The following SLC9A7 variants were observed in gnomAD, a reference collection of about 807,000 sequenced individuals.
The protein encoded by SLC9A7 is solute carrier family 9 member A7.
In SLC9A7, 19 loss-of-function variants were observed where a neutral mutation model predicts 52.6. The observed-to-expected ratio is 0.36, with a 90% confidence interval of 0.25 to 0.53. The LOEUF is 0.53. Among genes scored for constraint, SLC9A7 ranks in the 20% least tolerant of loss-of-function variants. SLC9A7 has a pLI of 0.91. For missense variants in SLC9A7, 455 were observed against 597.9 expected (o/e 0.76, Z 2.49); for synonymous variants, 226 against 252.1 (o/e 0.90, Z 0.98).
intron 1 of SLC9A7, among the ~76,000 whole-genome samples, chrX:46,714,344 C>T (rs975007998): frequency 2.3e-4 from 26 of 111,418 alleles, no homozygotes; most frequent in Non-Finnish European, 4.7e-4. Flanking sequence ...CTGATGTCTC[C>T]CAGATGACAA....
rs1044336721 is a variant in SLC9A7 at position 46,600,342 on chromosome X, C to T, written c.*6610G>A. On this transcript the variant is annotated 3_prime_UTR_variant, in exon 17 of 17. Transcript: ENST00000616978. ...ATATACAGGCCCAGACAATTTTCCACTGGCCAAGAGCTGACTGTGACACTT... is the reference window on the plus strand; with the variant it reads ...ATATACAGGCCCAGACAATTTTCCATTGGCCAAGAGCTGACTGTGACACTT... The T allele has an allele frequency of 8.9e-6, 1 of 112,060 alleles. No individual in the cohort carries two copies. Among genetic ancestry groups the T allele is most frequent in the Non-Finnish European group, 1.9e-5 (1 of 53,258 alleles). The allele number at this position is 112,060 out of a possible 1,213,427, so 9.2% of individuals were successfully genotyped here.
rs782017717 is a variant in SLC9A7, at chrX:46,758,953, GGCA to G, written c.74_76del (p.Leu25del). 41 of 1,072,437 alleles carry G rather than the reference GGCA, an allele frequency of 3.8e-5. No homozygotes were observed. The highest frequency in any genetic ancestry group is 1.5e-4 in the Admixed American group (4 of 26,085). 88.4% of individuals were successfully genotyped at this position (1,072,437 alleles called of 1,213,427 possible). The stretch of plus-strand genomic sequence containing the variant: ...TCGCAGCCCCCAACCCAGCAGCAGC[GGCA>G]GCAGCAGCAGCCGCGGCGGCGGCGC... On this transcript the variant is annotated inframe_deletion, in exon 1 of 17. Transcript: ENST00000616978.
chrX:46,652,914 G>A (rs1251760651), intron 8 of SLC9A7, among the ~76,000 whole-genome samples: 1 of 111,806 alleles, frequency 8.9e-6, no homozygotes, highest in Middle Eastern at 4.2e-3. Context: ...CTGAGCAGAG[G>A]CAAAATCACC....
chrX:46,629,852 T>C (rs1177972912), intron 14 of SLC9A7, among the ~76,000 whole-genome samples: 1 of 111,859 alleles, frequency 8.9e-6, no homozygotes, highest in Non-Finnish European at 1.9e-5. Context: ...TGTTATACTC[T>C]AAATTAGCCT....
chrX:46,705,260 T>C (rs1944586934), intron 1 of SLC9A7, among the ~76,000 whole-genome samples: 1 of 111,766 alleles, frequency 8.9e-6, no homozygotes, highest in South Asian at 3.7e-4. Flanking sequence ...TAAGACTTTA[T>C]CACACAGGAA....
At chrX:46,662,180 A>G in intron 6 of SLC9A7, 23 bp from the exon 7 acceptor site, 1 of 1,186,878 alleles carries the variant, frequency 8.4e-7, no homozygotes, top group East Asian at 3.0e-5. Flanking sequence ...AACAAGAGAC[A>G]GTTTTAAAAG....
chrX:46,655,271 C>T (rs1192905130), intron 7 of SLC9A7, among the ~76,000 whole-genome samples: 1 of 111,575 alleles, frequency 9.0e-6, no homozygotes, highest in Non-Finnish European at 1.9e-5. Flanking sequence ...AGGTGTGAGC[C>T]ACCACGCCCA....
intron 8 of SLC9A7, 63 bp from the exon 9 acceptor site, chrX:46,651,467 C>A: frequency 2.2e-6 from 2 of 923,946 alleles, no homozygotes; most frequent in Non-Finnish European, 3.1e-6. Context: ...AAAAAAAAAC[C>A]CTGCTAGAAC....
intron 1 of SLC9A7, among the ~76,000 whole-genome samples, chrX:46,758,147 T>C (rs1922815019): frequency 9.0e-6 from 1 of 111,506 alleles, no homozygotes; most frequent in African/African-American, 3.3e-5. Context: ...TGCTCACCTT[T>C]CACCACACTT....
chrX:46,632,570 C>G (rs1047171075), intron 13 of SLC9A7, among the ~76,000 whole-genome samples: 4 of 110,927 alleles, frequency 3.6e-5, no homozygotes, highest in African/African-American at 1.3e-4. Context: ...CTTCGCCTGT[C>G]TTCAGCAAGA....
At position 46,606,749 on chromosome X, in the gene SLC9A7, A is replaced by C; in HGVS notation, c.*203T>G. 1 of 1,087,408 alleles carries C rather than the reference A, an allele frequency of 9.2e-7. No homozygotes were observed. Among genetic ancestry groups the C allele is most frequent in the Non-Finnish European group, 1.2e-6 (1 of 837,429 alleles). The allele number at this position is 1,087,408 out of a possible 1,213,427, so 89.6% of individuals were successfully genotyped here. Reference sequence around the variant, plus strand: ...ATGTGAAAAAAGTGGGAATAGGTCTACGTTTGTCTGAATTTAGAGACACTT... The same window carrying C: ...ATGTGAAAAAAGTGGGAATAGGTCTCCGTTTGTCTGAATTTAGAGACACTT... On this transcript the variant is annotated 3_prime_UTR_variant, in exon 17 of 17. Coordinates refer to ENST00000616978, the MANE Select transcript of SLC9A7 (RefSeq NM_001257291.2).
intron 3 of SLC9A7, among the ~76,000 whole-genome samples, chrX:46,677,605 G>C (rs183603329): frequency 2.7e-5 from 3 of 112,239 alleles, no homozygotes; most frequent in Admixed American, 9.5e-5. Flanking sequence ...AAGAATATCC[G>C]TTCCTAATAC....
chrX:46,608,734 C>T (rs1469580220), intron 16 of SLC9A7, among the ~76,000 whole-genome samples: 1 of 111,770 alleles, frequency 8.9e-6, no homozygotes, highest in Non-Finnish European at 1.9e-5. Context: ...CAACCTCCAC[C>T]TCCCAGGTTC....
At chrX:46,683,719 G>A (rs1944249644) in intron 1 of SLC9A7, among the ~76,000 whole-genome samples, 1 of 112,218 alleles carries the variant, frequency 8.9e-6, no homozygotes, top group Admixed American at 9.4e-5. Context: ...CAAAAAACCA[G>A]CCATAAATCA....
intron 1 of SLC9A7, among the ~76,000 whole-genome samples, chrX:46,748,976 T>A (rs926304097): frequency 9.0e-6 from 1 of 110,824 alleles, no homozygotes; most frequent in Middle Eastern, 4.2e-3. Context: ...AAAAAAAAAA[T>A]AAACAACTAC....
chrX:46,645,079 T>C (rs1178535509), intron 11 of SLC9A7, among the ~76,000 whole-genome samples: 1 of 112,160 alleles, frequency 8.9e-6, no homozygotes, highest in African/African-American at 3.2e-5. Flanking sequence ...AAACCTCAGG[T>C]ATTTCATAGC....
At chrX:46,666,295 G>A (rs999024715) in intron 5 of SLC9A7, among the ~76,000 whole-genome samples, 88 of 110,965 alleles carry the variant, frequency 7.9e-4, no homozygotes, top group African/African-American at 2.7e-3. Context: ...TTTTTGTGGG[G>A]ATGAAGTTCT....
intron 1 of SLC9A7, among the ~76,000 whole-genome samples, chrX:46,701,116 A>C (rs1276280781): frequency 1.8e-5 from 2 of 111,436 alleles, no homozygotes; most frequent in African/African-American, 6.5e-5. Context: ...ATGCTCTTGA[A>C]ACATCACATA....
At chrX:46,613,856 G>A (rs1285304281) in intron 15 of SLC9A7, among the ~76,000 whole-genome samples, 1 of 111,668 alleles carries the variant, frequency 9.0e-6, no homozygotes, top group Non-Finnish European at 1.9e-5. Flanking sequence ...GGCAGGTGGT[G>A]GAAATGCTGA....
Sources: gnomAD v4.1 joint callset for allele counts (sites outside exome capture counted in the v4.1 genomes callset) on GRCh38, gnomAD v4.1.1 for gene constraint, MANE v1.5 for transcripts, NCBI Gene and HGNC (gene_info 2026-07-23, HGNC 2026-07-21) for gene names.